Variants in ADAMTS18 observed in about 807,000 individuals in gnomAD.
The protein encoded by ADAMTS18 is A disintegrin and metalloproteinase with thrombospondin motifs 18.
ADAMTS18 carries 157 observed loss-of-function variants against 165.9 expected under a neutral mutation model. That is an observed-to-expected ratio of 0.95 (90% CI 0.83 to 1.08). ADAMTS18 has a LOEUF of 1.08. Ranked by LOEUF, ADAMTS18 falls within the 50% of genes least tolerant of loss-of-function variation. The pLI, the probability that ADAMTS18 is intolerant of heterozygous loss-of-function variation, is 0.00. For synonymous variants in ADAMTS18, 782 were observed against 578.2 expected, an observed-to-expected ratio of 1.35 and a Z score of -5.06; for missense variants, 2,040 against 1,534.0, an observed-to-expected ratio of 1.33 and a Z score of -5.51.
At chr16:77,338,668 G>A (rs1301326371) in intron 11 of ADAMTS18, among the ~76,000 whole-genome samples, 3 of 151,816 alleles carry the variant, frequency 2.0e-5, no homozygotes, top group African/African-American at 2.4e-5. Context: ...AAAGTAAGTG[G>A]CTTGGCCGGG....
rs532635608 is a variant in ADAMTS18 at position 77,289,901 on chromosome 16, C to T, written c.3403-490G>A. On this transcript the variant is annotated intron_variant, in intron 21 of 22. Coordinates refer to ENST00000282849, the MANE Select transcript of ADAMTS18 (RefSeq NM_199355.4). The stretch of plus-strand genomic sequence containing the variant: ...CTGAGTTGGCATGACAGAGTTGGTG[C>T]TTCTTAGGAGTCGCTGATTTCAGTG... Among the ~76,000 whole-genome samples, 24 of 152,260 alleles carry T rather than the reference C, an allele frequency of 1.6e-4. No homozygotes were observed. The South Asian group carries it at 4.8e-3, about 30-fold the overall frequency.
At chr16:77,427,031 TA>T (rs1413304106) in intron 3 of ADAMTS18, among the ~76,000 whole-genome samples, 1 of 149,788 alleles carries the variant, frequency 6.7e-6, no homozygotes, top group Non-Finnish European at 1.5e-5. Context: ...ATAAGAACAA[TA>T]AAAAATGATG....
chr16:77,355,933 G>A lies in ADAMTS18; in HGVS notation c.1460+7C>T. The stretch of plus-strand genomic sequence containing the variant: ...CTAGGAGCACCCCAGGATTTAACCT[G>A]TCATACCTGAGGAATTTCTTGAGAT... On this transcript the variant is annotated splice_region_variant and intron_variant, in intron 9 of 22. Coordinates refer to ENST00000282849, the MANE Select transcript of ADAMTS18 (RefSeq NM_199355.4). 6.2e-7 allele frequency: 1 copy of A among 1,613,964 alleles called. No homozygotes were observed. Among genetic ancestry groups the A allele is most frequent in the East Asian group, 2.2e-5 (1 of 44,872 alleles).
Position 77,341,774 on chromosome 16 carries a change from T to C in ADAMTS18, c.1640A>G (p.His547Arg), listed in dbSNP as rs765919646. ...VKDICKSLWC[H>R]RVGHRCETKF... ...GGTCTCACACCTGTGGCCTACTCGG[T>C]GGCACCAAAGTGATTTGCAAATATC... is the stretch of plus-strand genomic sequence containing the variant. The change falls in exon 11 of 23, where the codon CAC becomes CGC. Residue 547 changes from histidine to arginine, a missense_variant. His to Arg is a conservative substitution (Grantham distance 29). Coordinates refer to ENST00000282849, the MANE Select transcript of ADAMTS18 (RefSeq NM_199355.4). 1.2e-6 allele frequency: 2 copies of C among 1,613,098 alleles called. No individual in the cohort carries two copies. The highest frequency in any genetic ancestry group is 1.3e-5 in the African/African-American group (1 of 74,798).
At position 77,434,742 on chromosome 16, in the gene ADAMTS18, G is replaced by T; in HGVS notation, c.-47C>A. On this transcript the variant is annotated 5_prime_UTR_variant, in exon 1 of 23. Transcript: ENST00000282849. ...CTGCGGGTGGCCAGACGCGGCAGGCGGAGCGCACGGGCGGCGCGCATTCTT... is the reference window on the plus strand; with the variant it reads ...CTGCGGGTGGCCAGACGCGGCAGGCTGAGCGCACGGGCGGCGCGCATTCTT... 3 of 1,367,320 alleles carry T rather than the reference G, an allele frequency of 2.2e-6. No homozygotes were observed. The highest frequency in any genetic ancestry group is 2.8e-6 in the Non-Finnish European group (3 of 1,056,244). 84.7% of individuals were successfully genotyped at this position (1,367,320 alleles called of 1,614,324 possible). A position where few individuals can be genotyped will look rare whatever the true frequency, so the allele number is the denominator to read the frequency against.
chr16:77,284,689 A>G (rs74413023), intron 22 of ADAMTS18, among the ~76,000 whole-genome samples: 3,732 of 152,274 alleles, frequency 0.025, 159 homozygotes, highest in African/African-American at 0.085. Context: ...GATCCTCCCT[A>G]TGTAGCCTGG....
rs542729759 is a variant in ADAMTS18 at position 77,369,587 on chromosome 16, G to A, written c.496-1864C>T. Among the ~76,000 whole-genome samples the A allele has an allele frequency of 2.0e-5, 3 of 152,326 alleles. No individual in the cohort carries two copies. In the South Asian group the frequency reaches 6.2e-4, roughly 32 times the overall value. On this transcript the variant is annotated intron_variant, in intron 3 of 22. Transcript: ENST00000282849. ...GAACAAACCAATAACGAGTTAAGGA[G>A]ATTTAATCTGTAATAAAAAGTCTCC...
chr16:77,322,991 T>C (rs999178305), intron 13 of ADAMTS18, among the ~76,000 whole-genome samples: 1 of 151,992 alleles, frequency 6.6e-6, no homozygotes. Flanking sequence ...GTCATGTTTG[T>C]AAAACATATA....
At chr16:77,347,409 T>C (rs2056493545) in intron 10 of ADAMTS18, among the ~76,000 whole-genome samples, 1 of 152,204 alleles carries the variant, frequency 6.6e-6, no homozygotes, top group South Asian at 2.1e-4. Flanking sequence ...ATTATACCAC[T>C]TGACACACTC....
intron 11 of ADAMTS18, among the ~76,000 whole-genome samples, chr16:77,338,505 G>C (rs574071537): frequency 6.6e-6 from 1 of 152,022 alleles, no homozygotes; most frequent in Non-Finnish European, 1.5e-5. Context: ...CCAAAGTGCT[G>C]AGATTACAGG....
chr16:77,368,830 T>C (rs1348787411), intron 3 of ADAMTS18, among the ~76,000 whole-genome samples: 2 of 152,186 alleles, frequency 1.3e-5, no homozygotes, highest in African/African-American at 2.4e-5. Flanking sequence ...AGTGGTGCTA[T>C]AATGAAGAGA....
chr16:77,397,886 C>T (rs1270906846), intron 3 of ADAMTS18, among the ~76,000 whole-genome samples: 3 of 152,176 alleles, frequency 2.0e-5, no homozygotes, highest in African/African-American at 7.2e-5. Context: ...CCCTGTCTGC[C>T]ACAGGGTCCT....
chr16:77,397,799 A>G (rs1034755343), intron 3 of ADAMTS18, among the ~76,000 whole-genome samples: 1 of 152,206 alleles, frequency 6.6e-6, no homozygotes, highest in South Asian at 2.1e-4. Flanking sequence ...GAAAACTCAA[A>G]GCAGGCAACA....
intron 3 of ADAMTS18, among the ~76,000 whole-genome samples, chr16:77,376,075 G>A (rs1342985865): frequency 5.3e-5 from 8 of 151,580 alleles, no homozygotes; most frequent in Non-Finnish European, 1.0e-4. Flanking sequence ...GGCTAATTTT[G>A]TATTTTTAGT....
intron 16 of ADAMTS18, among the ~76,000 whole-genome samples, chr16:77,310,004 G>A (rs944536947): frequency 2.0e-5 from 3 of 152,138 alleles, no homozygotes; most frequent in Non-Finnish European, 4.4e-5. Flanking sequence ...TGGTTGTCAA[G>A]GCCAGTCTCA....
chr16:77,406,696 C>T lies in ADAMTS18; in HGVS notation c.495+24599G>A, dbSNP rs78773515. ...ACGGCACTATACACAATAGCAAAGA[C>T]GCAGAATCAACCTAAAAGCCCATCA... On this transcript the variant is annotated intron_variant, in intron 3 of 22. Coordinates refer to ENST00000282849, the MANE Select transcript of ADAMTS18 (RefSeq NM_199355.4). Among the ~76,000 whole-genome samples, 606 of 152,078 alleles carry T rather than the reference C, an allele frequency of 4.0e-3. 7 individuals are homozygous for T. Among genetic ancestry groups the T allele is most frequent in the African/African-American group, 0.014 (582 of 41,500 alleles).
At chr16:77,340,412 G>A (rs1423673874) in intron 11 of ADAMTS18, among the ~76,000 whole-genome samples, 1 of 151,984 alleles carries the variant, frequency 6.6e-6, no homozygotes, top group Non-Finnish European at 1.5e-5. Context: ...TGACCTCAAG[G>A]GATCCACCCA....
rs1295579993 is a variant in ADAMTS18, at chr16:77,282,540, G to GTTGA, written c.*1412_*1415dup. ...GCTAAATTTAACAAACCACTGTCTA[G>GTTGA]TTGATTATGCTGAGCTGGCTAATCC... On this transcript the variant is annotated 3_prime_UTR_variant, in exon 23 of 23. Transcript: ENST00000282849. 1 of 152,596 alleles carries GTTGA rather than the reference G, an allele frequency of 6.6e-6. No individual in the cohort carries two copies. Among genetic ancestry groups the GTTGA allele is most frequent in the African/African-American group, 2.4e-5 (1 of 41,456 alleles). The allele number at this position is 152,596 out of a possible 1,614,324, so 9.5% of individuals were successfully genotyped here.
At chr16:77,321,024 G>A (rs746786527) in intron 15 of ADAMTS18, 55 bp downstream of exon 15, 4 of 1,611,996 alleles carry the variant, frequency 2.5e-6, no homozygotes, top group Admixed American at 1.7e-5. Context: ...ACTCAAACTT[G>A]TTTGGTAGCA....
Sources: allele counts gnomAD v4.1 joint callset (sites outside exome capture counted in the v4.1 genomes callset), GRCh38; gene constraint gnomAD v4.1.1; transcripts MANE v1.5; gene names NCBI Gene and HGNC (gene_info 2026-07-23, HGNC 2026-07-21).